ATP10A: variants seen among roughly 807,000 people sequenced by gnomAD.
The protein encoded by ATP10A is ATPase phospholipid transporting 10A (putative), also known as phospholipid-transporting ATPase VA.
A neutral mutation model predicts 147.8 loss-of-function variants in ATP10A; 111 were observed. That is an observed-to-expected ratio of 0.75 (90% CI 0.64 to 0.88). ATP10A has a LOEUF of 0.88. ATP10A is among the 40% of genes least tolerant of loss of function. The pLI, the probability that ATP10A is intolerant of heterozygous loss-of-function variation, is 0.00. For synonymous variants in ATP10A, 875 were observed against 841.6 expected (o/e 1.04, Z -0.69); for missense variants, 1,927 against 1,959.0 (o/e 0.98, Z 0.31).
At chr15:25,807,589 G>C (rs1891249630) in intron 1 of ATP10A, among the ~76,000 whole-genome samples, 1 of 152,172 alleles carries the variant, frequency 6.6e-6, no homozygotes, top group African/African-American at 2.4e-5. Flanking sequence ...GATCACCTGA[G>C]GTCAAGAGTT....
chr15:25,757,984 T>C (rs868219553), intron 2 of ATP10A, among the ~76,000 whole-genome samples: 2 of 7,234 alleles, frequency 2.8e-4, no homozygotes, highest in Non-Finnish European at 4.1e-4. Flanking sequence ...CTCATTCCGA[T>C]CACCTGCTCC....
intron 2 of ATP10A, among the ~76,000 whole-genome samples, chr15:25,767,208 G>C (rs1179810807): frequency 6.6e-6 from 1 of 152,198 alleles, no homozygotes; most frequent in Admixed American, 6.5e-5. Context: ...CAATTTTGGT[G>C]CATCATTCTG....
upstream of ATP10A, among the ~76,000 whole-genome samples, chr15:25,863,411 C>T (rs1893868555): frequency 6.6e-6 from 1 of 152,138 alleles, no homozygotes; most frequent in South Asian, 2.1e-4. Context: ...ACGGCCCCGC[C>T]CTCGTTCCGC....
At chr15:25,755,018 C>T (rs79371002) in intron 2 of ATP10A, among the ~76,000 whole-genome samples, 3,286 of 152,210 alleles carry the variant, frequency 0.022, 49 homozygotes, top group Middle Eastern at 0.041. Context: ...ATACCCTATC[C>T]CACTTTGTCT....
At chr15:25,747,296 AAAAAAAAAAAG>A (rs961630494) in intron 2 of ATP10A, among the ~76,000 whole-genome samples, 2 of 131,736 alleles carry the variant, frequency 1.5e-5, no homozygotes, top group Non-Finnish European at 3.0e-5. Context: ...TCAAAAAAAA[AAAAAAAAAAAG>A]AAAAAGAATA....
At chr15:25,750,685 T>C (rs1414064543) in intron 2 of ATP10A, among the ~76,000 whole-genome samples, 1 of 149,204 alleles carries the variant, frequency 6.7e-6, no homozygotes, top group African/African-American at 2.5e-5. Flanking sequence ...AAAAATAACA[T>C]TCGTTTACAA....
At chr15:25,854,984 G>A (rs1291479559) in intron 1 of ATP10A, among the ~76,000 whole-genome samples, 1 of 151,480 alleles carries the variant, frequency 6.6e-6, no homozygotes, top group African/African-American at 2.4e-5. Flanking sequence ...GCTTGAACCT[G>A]GGAGGCGGAG....
chr15:25,719,247 C>A lies in ATP10A; in HGVS notation c.1364-848G>T, dbSNP rs182263630. Reference sequence around the variant, plus strand: ...TGTCAAGAGGCCGGAGAAGGAGATACTTATGGAGCCGGCCAGCCGCGTGGA... The same window carrying A: ...TGTCAAGAGGCCGGAGAAGGAGATAATTATGGAGCCGGCCAGCCGCGTGGA... On this transcript the variant is annotated intron_variant, in intron 7 of 20. Coordinates refer to ENST00000555815, the MANE Select transcript of ATP10A (RefSeq NM_024490.4). 7.9e-5 allele frequency among the ~76,000 whole-genome samples: 12 copies of A among 152,314 alleles called. No individual in the cohort carries two copies. The East Asian group carries it at 2.1e-3, about 27-fold the overall frequency.
At chr15:25,710,071 G>C (rs949904981) in intron 10 of ATP10A, 4 of 152,288 alleles carry the variant, frequency 2.6e-5, no homozygotes, top group African/African-American at 9.6e-5. Flanking sequence ...TGATGCTGGG[G>C]GTGGCTGATT....
chr15:25,784,285 A>C (rs903490012), intron 1 of ATP10A, among the ~76,000 whole-genome samples: 2 of 152,028 alleles, frequency 1.3e-5, no homozygotes, highest in African/African-American at 4.8e-5. Flanking sequence ...TCCCCAGGAG[A>C]CCGGGCAGTC....
At chr15:25,723,345 TA>T (rs1352505377) in intron 6 of ATP10A, among the ~76,000 whole-genome samples, 1,842 of 110,364 alleles carry the variant, frequency 0.017, 15 homozygotes, top group Non-Finnish European at 0.023. Flanking sequence ...AGACTCTGTC[TA>T]AAAAAAAAAA....
chr15:25,792,751 T>G (rs944237398), intron 1 of ATP10A, among the ~76,000 whole-genome samples: 1 of 152,160 alleles, frequency 6.6e-6, no homozygotes, highest in Non-Finnish European at 1.5e-5. Context: ...TCAATTTTGT[T>G]GCTTTGAGTT....
chr15:25,734,091 C>T (rs945722456), intron 3 of ATP10A, among the ~76,000 whole-genome samples: 2 of 152,188 alleles, frequency 1.3e-5, no homozygotes, highest in Admixed American at 1.3e-4. Flanking sequence ...GGAGACACCA[C>T]CCAGACTCCT....
chr15:25,756,880 G>A (rs921504428), intron 2 of ATP10A, among the ~76,000 whole-genome samples: 1 of 152,178 alleles, frequency 6.6e-6, no homozygotes, highest in Non-Finnish European at 1.5e-5. Flanking sequence ...ACATTTGCAT[G>A]TTGTAAAAAT....
rs1250087574 is a variant in ATP10A at position 25,781,031 on chromosome 15, G to A, written c.642C>T (p.Gly214=). The part of the protein sequence containing the change: ...TNLKRRQVVR[G]FSELVSEFNP... Reference sequence around the variant, plus strand: ...GTGGGTCACTTACAAGCTCCGAGAAGCCGCGGACCACCTGCCGCCGCTTCA... The same window carrying A: ...GTGGGTCACTTACAAGCTCCGAGAAACCGCGGACCACCTGCCGCCGCTTCA... Residue 214 remains glycine, a synonymous_variant, in exon 2 of 21, where the codon GGC becomes GGT. Transcript: ENST00000555815. 1.3e-5 allele frequency: 21 copies of A among 1,613,956 alleles called. No individual in the cohort carries two copies. Among genetic ancestry groups the A allele is most frequent in the Non-Finnish European group, 1.8e-5 (21 of 1,180,034 alleles).
chr15:25,678,320 A>G (rs1470317729), downstream of ATP10A: 5 of 152,098 alleles, frequency 3.3e-5, no homozygotes, highest in Non-Finnish European at 5.9e-5. Context: ...CCCACACAGC[A>G]GGGAGTACAC....
chr15:25,798,914 A>C (rs1300159629), intron 1 of ATP10A, among the ~76,000 whole-genome samples: 2 of 7,680 alleles, frequency 2.6e-4, no homozygotes, highest in Non-Finnish European at 0.012. Flanking sequence ...GACTGGCTTG[A>C]GTGGTTTACT....
chr15:25,713,876 A>G lies in ATP10A; in HGVS notation c.2142T>C (p.Leu714=), dbSNP rs752820272. Residue 714 remains leucine (L), a synonymous_variant, in exon 10 of 21, where the codon CTT becomes CTC. Transcript: ENST00000555815. Reference sequence around the variant, plus strand: ...ACACTTGGTCGTGCAGCCGCTCCACAAGCACGCAGTTGTAGGCTCTGGCCG... The same window carrying G: ...ACACTTGGTCGTGCAGCCGCTCCACGAGCACGCAGTTGTAGGCTCTGGCCG... ...VYAARAYNCV[L]VERLHDQVSV... 33 of 1,613,726 alleles carry G rather than the reference A, an allele frequency of 2.0e-5. No homozygotes were observed. Among genetic ancestry groups the G allele is most frequent in the Non-Finnish European group, 2.6e-5 (31 of 1,180,054 alleles).
chr15:25,818,247 G>C (rs1318552128), intron 1 of ATP10A, among the ~76,000 whole-genome samples: 2 of 151,974 alleles, frequency 1.3e-5, no homozygotes, highest in African/African-American at 4.8e-5. Flanking sequence ...AATTTAACTT[G>C]ATTTTTATGC....
Sources: gnomAD v4.1 joint callset for allele counts (sites outside exome capture counted in the v4.1 genomes callset) on GRCh38, gnomAD v4.1.1 for gene constraint, MANE v1.5 for transcripts, NCBI Gene and HGNC (gene_info 2026-07-23, HGNC 2026-07-21) for gene names.